The following ADAMTS2 variants were observed in gnomAD, a reference collection of about 807,000 sequenced individuals.
The protein encoded by ADAMTS2 is A disintegrin and metalloproteinase with thrombospondin motifs 2.
A neutral mutation model predicts 123.0 loss-of-function variants in ADAMTS2; 50 were observed. The ratio of observed to expected loss-of-function variants is 0.41; its 90% CI spans 0.32 to 0.51. The LOEUF (loss-of-function observed/expected upper bound fraction) is 0.51. Among genes scored for constraint, ADAMTS2 ranks in the 20% least tolerant of loss-of-function variants. The probability of loss-of-function intolerance (pLI) is 0.35; values close to 1 mark genes in which losing one functional copy is unlikely to be tolerated. For missense variants in ADAMTS2, 1,494 were observed against 1,705.2 expected (o/e 0.88, Z 2.18); for synonymous variants, 678 against 695.4 (o/e 0.98, Z 0.39).
At chr5:179,137,729 G>T in intron 12 of ADAMTS2, 40 bp downstream of exon 12, 1 of 1,522,272 alleles carries the variant, frequency 6.6e-7, no homozygotes, top group Non-Finnish European at 8.8e-7. Context: ...CCTAGGGCCT[G>T]CCTGCTGAGC....
chr5:179,129,868 AC>A lies in ADAMTS2; in HGVS notation c.2457+63del. ...GGTCAGGAGGCTCAGCGTCCCAGGC[AC>A]CCCCATCCCTCCCCCAGTGGCCACC... On this transcript the variant is annotated intron_variant, in intron 16 of 21. Transcript: ENST00000251582. This position sits in a 1 kb window ranked among gnomAD's most constrained non-coding sequence, Gnocchi z 4.1. 1.9e-6 allele frequency: 3 copies of A among 1,600,160 alleles called. No homozygotes were observed. The highest frequency in any genetic ancestry group is 2.2e-5 in the South Asian group (2 of 90,662).
chr5:179,283,894 A>C (rs910146920), intron 2 of ADAMTS2, among the ~76,000 whole-genome samples: 1 of 150,840 alleles, frequency 6.6e-6, no homozygotes. Context: ...TGACTCAAAA[A>C]AACCAAAACC....
Position 179,234,165 on chromosome 5 carries a change from C to A in ADAMTS2, c.689-26450G>T, listed in dbSNP as rs994129455. 6.6e-5 allele frequency among the ~76,000 whole-genome samples: 10 copies of A among 152,116 alleles called. No individual in the cohort carries two copies. The highest frequency in any genetic ancestry group is 2.6e-4 in the Admixed American group (4 of 15,274). ...CATGCAAGCTCTCTGCCAGAAGAGACCCTCTCCTGCCACAGGCGCCCTCCC... is the reference window on the plus strand; with the variant it reads ...CATGCAAGCTCTCTGCCAGAAGAGAACCTCTCCTGCCACAGGCGCCCTCCC... On this transcript the variant is annotated intron_variant, in intron 3 of 21. Transcript: ENST00000251582. The surrounding 1 kb of genome is among the most constrained non-coding windows in gnomAD (Gnocchi z 4.7).
At position 179,130,328 on chromosome 5, in the gene ADAMTS2, C is replaced by A. The variant is rs1762935895; in HGVS notation, c.2291-230G>T. Among the ~76,000 whole-genome samples the A allele has an allele frequency of 6.6e-6, 1 of 152,186 alleles. No homozygotes were observed. The highest frequency in any genetic ancestry group is 6.5e-5 in the Admixed American group (1 of 15,272). ...ACCCTCCACTCGCATCCTCTGCCCC[C>A]ACCAGCCCTGGAGGTGCCGGCTCCC... On this transcript the variant is annotated intron_variant, in intron 15 of 21. Transcript: ENST00000251582. This position sits in a 1 kb window ranked among gnomAD's most constrained non-coding sequence, Gnocchi z 4.3.
In ADAMTS2 at chr5:179,130,167, G is replaced by T; in HGVS notation, c.2291-69C>A. 1 of 1,600,054 alleles carries T rather than the reference G, an allele frequency of 6.2e-7. No individual in the cohort carries two copies. The highest frequency in any genetic ancestry group is 8.5e-7 in the Non-Finnish European group (1 of 1,170,112). Reference sequence around the variant, plus strand: ...GCAGGACCCAGGCCCACTGGTTTGGGCTGGTCGGGGAGTGGGGGCAGCTAG... The same window carrying T: ...GCAGGACCCAGGCCCACTGGTTTGGTCTGGTCGGGGAGTGGGGGCAGCTAG... On this transcript the variant is annotated intron_variant, in intron 15 of 21. Coordinates refer to ENST00000251582, the MANE Select transcript of ADAMTS2 (RefSeq NM_014244.5). This position sits in a 1 kb window ranked among gnomAD's most constrained non-coding sequence, Gnocchi z 4.3.
chr5:179,337,525 C>G (rs1757647654), intron 2 of ADAMTS2, among the ~76,000 whole-genome samples: 1 of 152,184 alleles, frequency 6.6e-6, no homozygotes, highest in Non-Finnish European at 1.5e-5. Context: ...AGGACACGCA[C>G]ACGTCCACAT....
chr5:179,301,006 T>C (rs1259336587), intron 2 of ADAMTS2, among the ~76,000 whole-genome samples: 1 of 152,142 alleles, frequency 6.6e-6, no homozygotes, highest in Non-Finnish European at 1.5e-5. Flanking sequence ...TTCCCCAGTC[T>C]GGAGCCGGCG....
intron 10 of ADAMTS2, among the ~76,000 whole-genome samples, chr5:179,151,605 T>C (rs543393062): frequency 1.3e-5 from 2 of 152,304 alleles, no homozygotes; most frequent in Admixed American, 6.5e-5. Flanking sequence ...TGATTTCATC[T>C]GAACAAATGA....
chr5:179,123,642 T>C (rs1762801045), intron 19 of ADAMTS2, among the ~76,000 whole-genome samples: 1 of 152,250 alleles, frequency 6.6e-6, no homozygotes, highest in African/African-American at 2.4e-5. Context: ...CCGCCCAGGC[T>C]GGTCTCTAAC....
chr5:179,337,416 C>T (rs1011799080), intron 2 of ADAMTS2, among the ~76,000 whole-genome samples: 1 of 152,226 alleles, frequency 6.6e-6, no homozygotes, highest in Non-Finnish European at 1.5e-5. Context: ...CGTGCACAAA[C>T]ATATGCACCC....
At chr5:179,333,080 T>C (rs1192303206) in intron 2 of ADAMTS2, among the ~76,000 whole-genome samples, 1 of 152,118 alleles carries the variant, frequency 6.6e-6, no homozygotes, top group Non-Finnish European at 1.5e-5. Flanking sequence ...GCTCTGAATT[T>C]CCAGGTGAGA....
intron 2 of ADAMTS2, among the ~76,000 whole-genome samples, chr5:179,341,769 G>A (rs1757782638): frequency 6.6e-6 from 1 of 151,410 alleles, no homozygotes; most frequent in African/African-American, 2.4e-5. Context: ...ACTGTCCAAG[G>A]CCATTATTCA....
intron 2 of ADAMTS2, among the ~76,000 whole-genome samples, chr5:179,334,832 A>T (rs1391254395): frequency 6.6e-6 from 1 of 152,174 alleles, no homozygotes; most frequent in Non-Finnish European, 1.5e-5. Context: ...TGGCAAAAAG[A>T]AAAAAAATCC....
Position 179,115,117 on chromosome 5 carries a change from C to A in ADAMTS2, c.3179-793G>T, listed in dbSNP as rs77544688. 6.9e-3 allele frequency among the ~76,000 whole-genome samples: 1,056 copies of A among 152,248 alleles called. 21 individuals are homozygous for A. The highest frequency in any genetic ancestry group is 0.024 in the African/African-American group (1,003 of 41,540). ...GCACATCTTTCTCTTTCCTTTCCACCCAAGAAACTGGTCATCTGTGGTCCA... is the reference window on the plus strand; with the variant it reads ...GCACATCTTTCTCTTTCCTTTCCACACAAGAAACTGGTCATCTGTGGTCCA... On this transcript the variant is annotated intron_variant, in intron 21 of 21. Transcript: ENST00000251582. This position sits in a 1 kb window ranked among gnomAD's most constrained non-coding sequence, Gnocchi z 4.4.
chr5:179,219,523 G>A (rs532653335), intron 3 of ADAMTS2, among the ~76,000 whole-genome samples: 186 of 152,302 alleles, frequency 1.2e-3, no homozygotes, highest in African/African-American at 4.1e-3. Context: ...AGTGTGGGGC[G>A]AGGAGAAGGT....
chr5:179,245,521 CTTT>C (rs1765765334), intron 3 of ADAMTS2, among the ~76,000 whole-genome samples: 1 of 151,708 alleles, frequency 6.6e-6, no homozygotes, highest in South Asian at 2.1e-4. Flanking sequence ...AATCCCAGCA[CTTT>C]GGGAGGCCGA....
intron 3 of ADAMTS2, among the ~76,000 whole-genome samples, chr5:179,233,759 A>G (rs1765466000): frequency 6.6e-6 from 1 of 152,194 alleles, no homozygotes; most frequent in African/African-American, 2.4e-5. Context: ...TACACTGACT[A>G]CACTGAAGCC....
chr5:179,158,575 C>G lies in ADAMTS2; in HGVS notation c.1132+148G>C, dbSNP rs1763530057. On this transcript the variant is annotated intron_variant, in intron 6 of 21. Coordinates refer to ENST00000251582, the MANE Select transcript of ADAMTS2 (RefSeq NM_014244.5). This position sits in a 1 kb window ranked among gnomAD's most constrained non-coding sequence, Gnocchi z 5.0. Reference sequence around the variant, plus strand: ...ATGTATTTGTCCATCAGTGCACTGCCCCACACCCTCACCCAGCTAAGGTGG... The same window carrying G: ...ATGTATTTGTCCATCAGTGCACTGCGCCACACCCTCACCCAGCTAAGGTGG... 2.0e-6 allele frequency: 2 copies of G among 1,007,568 alleles called. No individual in the cohort carries two copies. Among genetic ancestry groups the G allele is most frequent in the African/African-American group, 3.2e-5 (2 of 62,788 alleles). 62.4% of individuals were successfully genotyped at this position (1,007,568 alleles called of 1,614,324 possible). A position where few individuals can be genotyped will look rare whatever the true frequency, so the allele number is the denominator to read the frequency against.
At chr5:179,160,152 T>C (rs527471789) in intron 5 of ADAMTS2, among the ~76,000 whole-genome samples, 1 of 152,314 alleles carries the variant, frequency 6.6e-6, no homozygotes, top group African/African-American at 2.4e-5. Context: ...GTATTTCTCT[T>C]TGTGTCTATA....
Sources: allele counts gnomAD v4.1 joint callset (sites outside exome capture counted in the v4.1 genomes callset), GRCh38; gene constraint gnomAD v4.1.1; non-coding constraint Gnocchi (gnomAD v3.1); transcripts MANE v1.5; gene names NCBI Gene and HGNC (gene_info 2026-07-23, HGNC 2026-07-21).